The following SEMA3C variants were observed in gnomAD, a reference collection of about 807,000 sequenced individuals.
The protein encoded by SEMA3C is semaphorin-3C.
SEMA3C carries 47 observed loss-of-function variants against 89.4 expected under a neutral mutation model. The ratio of observed to expected loss-of-function variants is 0.53; its 90% confidence interval spans 0.42 to 0.67. The LOEUF is 0.67. SEMA3C is among the 30% of genes least tolerant of loss of function. The pLI is 0.00. For synonymous variants in SEMA3C, 310 were observed against 320.2 expected, an observed-to-expected ratio of 0.97 and a Z score of 0.34; for missense variants, 839 against 929.1, an observed-to-expected ratio of 0.90 and a Z score of 1.26.
chr7:80,810,067 G>A (rs947332788), intron 6 of SEMA3C, among the ~76,000 whole-genome samples: 4 of 152,014 alleles, frequency 2.6e-5, no homozygotes, highest in South Asian at 2.1e-4. Flanking sequence ...GCATATTTCC[G>A]AATTGCTTAA....
Position 80,798,150 on chromosome 7 carries a change from C to A in SEMA3C, c.1073G>T (p.Gly358Val). The A allele has an allele frequency of 6.2e-7, 1 of 1,608,146 alleles. No individual in the cohort carries two copies. The highest frequency in any genetic ancestry group is 8.5e-7 in the Non-Finnish European group (1 of 1,177,452). The change falls in exon 11 of 18, where the codon GGG becomes GTG. Residue 358 changes from glycine to valine, a missense_variant. Physicochemically the swap from Gly to Val is moderately radical, Grantham distance 109. Transcript: ENST00000265361. ...ATAGGAAATCAGCTGATGATTGGGC[C>A]CTTCTTTGTGGGCAAAAGGCCCATT... ...VFNGPFAHKE[G>V]PNHQLISYQG...
At chr7:80,903,041 T>C (rs1192437973) in intron 2 of SEMA3C, among the ~76,000 whole-genome samples, 2 of 152,240 alleles carry the variant, frequency 1.3e-5, no homozygotes, top group Non-Finnish European at 2.9e-5. Context: ...CTTTCTGCTC[T>C]ACCTCTGCCC....
chr7:80,766,222 G>A (rs1435215108), intron 12 of SEMA3C, among the ~76,000 whole-genome samples: 1 of 152,170 alleles, frequency 6.6e-6, no homozygotes, highest in Non-Finnish European at 1.5e-5. Context: ...ACAGTACATA[G>A]CTAGTCAGAC....
At chr7:80,884,648 C>T (rs1010374080) in intron 2 of SEMA3C, among the ~76,000 whole-genome samples, 3 of 152,172 alleles carry the variant, frequency 2.0e-5, no homozygotes, top group African/African-American at 4.8e-5. Context: ...CACTCTCATA[C>T]AAACAACGGC....
chr7:80,849,027 C>T (rs971994036), intron 2 of SEMA3C, among the ~76,000 whole-genome samples: 25 of 152,060 alleles, frequency 1.6e-4, no homozygotes, highest in African/African-American at 5.3e-4. Context: ...CACAGCAACA[C>T]GTTTCTTAAC....
intron 2 of SEMA3C, among the ~76,000 whole-genome samples, chr7:80,876,382 A>T (rs1217023441): frequency 6.6e-6 from 1 of 152,146 alleles, no homozygotes; most frequent in African/African-American, 2.4e-5. Flanking sequence ...AGAGGTATAT[A>T]AGATGGCACA....
chr7:80,858,532 A>G (rs879721889), intron 2 of SEMA3C, among the ~76,000 whole-genome samples: 1 of 152,218 alleles, frequency 6.6e-6, no homozygotes, highest in Non-Finnish European at 1.5e-5. Context: ...TTGTAAAACC[A>G]CAGACATTTT....
intron 2 of SEMA3C, among the ~76,000 whole-genome samples, chr7:80,868,430 A>C (rs1790980880): frequency 6.6e-6 from 1 of 151,742 alleles, no homozygotes; most frequent in Non-Finnish European, 1.5e-5. Flanking sequence ...ACCACACCTG[A>C]CTAATTTTTG....
intron 5 of SEMA3C, among the ~76,000 whole-genome samples, chr7:80,811,609 C>T (rs1420598132): frequency 6.6e-6 from 1 of 151,974 alleles, no homozygotes; most frequent in Non-Finnish European, 1.5e-5. Flanking sequence ...TCTTAATTAT[C>T]AAGCTAAGAT....
At chr7:80,922,373 C>T, upstream of SEMA3C, 1 of 1,064,124 alleles carries the variant, frequency 9.4e-7, no homozygotes, top group Non-Finnish European at 1.3e-6. Flanking sequence ...TTTGGAAAGT[C>T]TCAACTTCCA....
intron 2 of SEMA3C, among the ~76,000 whole-genome samples, chr7:80,842,846 G>A (rs931042375): frequency 1.3e-5 from 2 of 152,068 alleles, no homozygotes; most frequent in African/African-American, 4.8e-5. Context: ...TGCAGAATCT[G>A]TCTTTCTGTT....
At chr7:80,922,216 T>C (rs552314839), upstream of SEMA3C, 8 of 1,276,018 alleles carry the variant, frequency 6.3e-6, no homozygotes, top group Admixed American at 1.6e-4. Context: ...TCAAGCGTGA[T>C]TGCCGTAATG....
At chr7:80,827,389 A>G in intron 4 of SEMA3C, 36 bp downstream of exon 4, 1 of 1,111,642 alleles carries the variant, frequency 9.0e-7, no homozygotes, top group African/African-American at 1.9e-5. Context: ...TATTTAAGTT[A>G]GTGTTTTTTT....
At chr7:80,863,302 C>T (rs957595458) in intron 2 of SEMA3C, among the ~76,000 whole-genome samples, 1 of 149,152 alleles carries the variant, frequency 6.7e-6, no homozygotes, top group Non-Finnish European at 1.5e-5. Context: ...AATGGAATAC[C>T]ACCTTACTCC....
chr7:80,834,300 G>A (rs187858940), intron 2 of SEMA3C, among the ~76,000 whole-genome samples: 1 of 152,158 alleles, frequency 6.6e-6, no homozygotes, highest in East Asian at 1.9e-4. Flanking sequence ...GTTCCCTGGG[G>A]TAAAATTTGC....
intron 2 of SEMA3C, among the ~76,000 whole-genome samples, chr7:80,850,632 C>T (rs891621592): frequency 6.6e-6 from 1 of 151,996 alleles, no homozygotes; most frequent in Non-Finnish European, 1.5e-5. Context: ...ACCGGAGTGA[C>T]AAAAAGGGTC....
rs1212629751 is a variant in SEMA3C, at chr7:80,745,037, T to A, written c.2113A>T (p.Ile705Phe). The A allele has an allele frequency of 1.9e-6, 3 of 1,613,992 alleles. No individual in the cohort carries two copies. The highest frequency in any genetic ancestry group is 2.5e-6 in the Non-Finnish European group (3 of 1,179,992). ...CGAGTGTCTTTGCAATATTGGTTAA[T>A]CATCTGCATTTCTGAGTGGCTGAAT... is the stretch of plus-strand genomic sequence containing the variant. ...GAFSHSEMQM[I>F]NQYCKDTRQQ... The change falls in exon 18 of 18, where the codon ATT (isoleucine) becomes TTT (phenylalanine). Residue 705 changes from isoleucine (I) to phenylalanine (F), a missense_variant. By Grantham distance (21) the Ile-to-Phe change is conservative. Coordinates refer to ENST00000265361, the MANE Select transcript of SEMA3C (RefSeq NM_006379.5).
intron 2 of SEMA3C, among the ~76,000 whole-genome samples, chr7:80,913,692 G>A (rs1248635955): frequency 6.6e-6 from 1 of 152,192 alleles, no homozygotes; most frequent in Non-Finnish European, 1.5e-5. Flanking sequence ...TCTCAACATA[G>A]AAGATTTAAG....
At chr7:80,860,219 T>C (rs1184104531) in intron 2 of SEMA3C, among the ~76,000 whole-genome samples, 1 of 152,202 alleles carries the variant, frequency 6.6e-6, no homozygotes, top group African/African-American at 2.4e-5. Context: ...TACCTATGAC[T>C]ATAAGTAAAC....
Sources: gnomAD v4.1 joint callset for allele counts (sites outside exome capture counted in the v4.1 genomes callset) on GRCh38, gnomAD v4.1.1 for gene constraint, MANE v1.5 for transcripts, NCBI Gene and HGNC (gene_info 2026-07-23, HGNC 2026-07-21) for gene names.